LYPD6: variants seen among roughly 807,000 people sequenced by gnomAD.
The protein encoded by LYPD6 is ly6/PLAUR domain-containing protein 6.
A neutral mutation model predicts 22.7 loss-of-function variants in LYPD6; 15 were observed. That is an observed-to-expected ratio of 0.66 (90% confidence interval 0.44 to 1.02). The LOEUF (loss-of-function observed/expected upper bound fraction) is 1.02, where lower values mean the gene tolerates loss of function less well. Among genes scored for constraint, LYPD6 ranks in the 50% least tolerant of loss-of-function variants. The pLI is 0.00. For missense variants in LYPD6, 189 were observed against 208.4 expected, an observed-to-expected ratio of 0.91 and a Z score of 0.57; for synonymous variants, 72 against 77.5, an observed-to-expected ratio of 0.93 and a Z score of 0.37.
chr2:149,422,197 A>G (rs1683095953), intron 1 of LYPD6, among the ~76,000 whole-genome samples: 1 of 152,190 alleles, frequency 6.6e-6, no homozygotes, highest in African/African-American at 2.4e-5. Context: ...AAAGTGTACT[A>G]TCTCCTTTAA....
Position 149,472,920 on chromosome 2 carries a change from T to C in LYPD6, c.*2070T>C, listed in dbSNP as rs775639664. The C allele has an allele frequency of 6.6e-6, 1 of 152,640 alleles. No homozygotes were observed. The highest frequency in any genetic ancestry group is 1.5e-5 in the Non-Finnish European group (1 of 68,026). The allele number at this position is 152,640 out of a possible 1,614,324, so 9.5% of individuals were successfully genotyped here. A position where few individuals can be genotyped will look rare whatever the true frequency, so the allele number is the denominator to read the frequency against. On this transcript the variant is annotated 3_prime_UTR_variant, in exon 5 of 5. Transcript: ENST00000334166. ...TCATAGGAATTCATCCATCTTATCA[T>C]GTGGAGTTTATCTCACCCTGCTGTT...
chr2:149,408,886 G>A (rs1005917789), intron 1 of LYPD6, among the ~76,000 whole-genome samples: 4 of 152,118 alleles, frequency 2.6e-5, no homozygotes, highest in African/African-American at 2.4e-5. Flanking sequence ...CTTAATAGTC[G>A]ACTTTCTGAA....
At chr2:149,412,347 A>G (rs1682869513) in intron 1 of LYPD6, among the ~76,000 whole-genome samples, 1 of 151,924 alleles carries the variant, frequency 6.6e-6, no homozygotes, top group South Asian at 2.1e-4. Flanking sequence ...AAGATTTATT[A>G]GCTAATTTTA....
At chr2:149,481,896 A>G in the LYPD6 span, among the ~76,000 whole-genome samples, 1 of 152,202 alleles carries the variant, frequency 6.6e-6, no homozygotes. Context: ...AAGACTATAT[A>G]TGTTAAGTTT....
intron 1 of LYPD6, among the ~76,000 whole-genome samples, chr2:149,432,804 G>A (rs1683346744): frequency 6.6e-6 from 1 of 152,182 alleles, no homozygotes; most frequent in South Asian, 2.1e-4. Flanking sequence ...TGAGAAGAGA[G>A]AACATTCTGT....
chr2:149,337,669 C>A (rs942748584), intron 1 of LYPD6, among the ~76,000 whole-genome samples: 13 of 152,102 alleles, frequency 8.5e-5, no homozygotes, highest in Admixed American at 7.2e-4. Context: ...GGGGTACATA[C>A]ACAGGTTTGT....
intron 2 of LYPD6, among the ~76,000 whole-genome samples, chr2:149,448,047 A>C (rs966435589): frequency 6.6e-6 from 1 of 152,194 alleles, no homozygotes; most frequent in Non-Finnish European, 1.5e-5. Context: ...TAATCCCAGC[A>C]CTTTGGGAGG....
chr2:149,427,105 A>G (rs1559148551), intron 1 of LYPD6, among the ~76,000 whole-genome samples: 1 of 152,202 alleles, frequency 6.6e-6, no homozygotes, highest in Admixed American at 6.5e-5. Flanking sequence ...GACTACCTCT[A>G]TATAGTGCCA....
At chr2:149,475,400 T>C (rs929778187), downstream of LYPD6, among the ~76,000 whole-genome samples, 11 of 152,162 alleles carry the variant, frequency 7.2e-5, no homozygotes, top group Non-Finnish European at 1.6e-4. Flanking sequence ...GGGGCACTCT[T>C]CACTGGAGTC....
At position 149,468,768 on chromosome 2, in the gene LYPD6, G is replaced by A. The variant is rs1268810699; in HGVS notation, c.341G>A (p.Gly114Asp). The change falls in exon 4 of 5, where the codon GGC (glycine) becomes GAC (aspartate). Residue 114 changes from glycine to aspartate, a missense_variant. Physicochemically the swap from Gly to Asp is moderately conservative, Grantham distance 94 (BLOSUM62 -1). Coordinates refer to ENST00000334166, the MANE Select transcript of LYPD6 (RefSeq NM_194317.5). The stretch of plus-strand genomic sequence containing the variant: ...GGCTGCAGAGACTCCGAGCATGAAG[G>A]CCACAAGGTCTGGGCAACAGAGCAA... ...STGCRDSEHE[G>D]HKVCTSCCEG... The A allele has an allele frequency of 1.9e-5, 31 of 1,613,362 alleles. No individual in the cohort carries two copies. Among genetic ancestry groups the A allele is most frequent in the East Asian group, 4.5e-5 (2 of 44,854 alleles).
chr2:149,378,487 T>G (rs1011194515), intron 1 of LYPD6, among the ~76,000 whole-genome samples: 1 of 152,248 alleles, frequency 6.6e-6, no homozygotes, highest in African/African-American at 2.4e-5. Context: ...GTAGTCAGTT[T>G]AGTAGCAATA....
intron 3 of LYPD6, among the ~76,000 whole-genome samples, chr2:149,452,639 T>G (rs570900235): frequency 4.2e-4 from 64 of 152,316 alleles, no homozygotes; most frequent in African/African-American, 1.5e-3. Context: ...TCACCTCATC[T>G]AAGTATTCAA....
chr2:149,477,010 G>A (rs1204220532), downstream of LYPD6, among the ~76,000 whole-genome samples: 4 of 152,192 alleles, frequency 2.6e-5, no homozygotes, highest in Middle Eastern at 3.2e-3. Context: ...TGGGTGGAAA[G>A]GGGCTGAGTA....
intron 3 of LYPD6, among the ~76,000 whole-genome samples, chr2:149,458,897 G>A (rs183821021): frequency 2.7e-4 from 41 of 152,278 alleles, no homozygotes; most frequent in African/African-American, 9.9e-4. Flanking sequence ...TGAACAACAG[G>A]TAGAAAATAG....
chr2:149,410,155 A>C (rs959994274), intron 1 of LYPD6, among the ~76,000 whole-genome samples: 6 of 152,124 alleles, frequency 3.9e-5, no homozygotes, highest in Non-Finnish European at 8.8e-5. Flanking sequence ...ACTGTCAAAA[A>C]CTAGTAAAAT....
intron 2 of LYPD6, among the ~76,000 whole-genome samples, chr2:149,447,785 G>A (rs1683720375): frequency 6.6e-6 from 1 of 152,196 alleles, no homozygotes; most frequent in South Asian, 2.1e-4. Context: ...TCCAGAGAAT[G>A]CCTTTTTAAT....
chr2:149,402,399 A>G (rs1377888890), intron 1 of LYPD6, among the ~76,000 whole-genome samples: 1 of 152,186 alleles, frequency 6.6e-6, no homozygotes, highest in Non-Finnish European at 1.5e-5. Flanking sequence ...CTGGGTAGAT[A>G]CCTAGCAGTG....
At chr2:149,358,733 G>A (rs183964487) in intron 1 of LYPD6, among the ~76,000 whole-genome samples, 3 of 152,080 alleles carry the variant, frequency 2.0e-5, no homozygotes, top group Admixed American at 2.0e-4. Context: ...GTTTTCCAAC[G>A]TTTTTGGTTT....
At chr2:149,337,116 A>C (rs1681049329) in intron 1 of LYPD6, among the ~76,000 whole-genome samples, 1 of 152,110 alleles carries the variant, frequency 6.6e-6, no homozygotes, top group Non-Finnish European at 1.5e-5. Context: ...TTCTTTCTAG[A>C]CTGTAAGCGC....
Sources: gnomAD v4.1 joint callset for allele counts (sites outside exome capture counted in the v4.1 genomes callset) on GRCh38, gnomAD v4.1.1 for gene constraint, MANE v1.5 for transcripts, NCBI Gene and HGNC (gene_info 2026-07-23, HGNC 2026-07-21) for gene names.